ITSN1: variants seen among roughly 807,000 people sequenced by gnomAD.
ITSN1 encodes the protein intersectin-1.
A neutral mutation model predicts 239.8 loss-of-function variants in ITSN1; 58 were observed. That is an observed-to-expected ratio of 0.24 (90% confidence interval 0.20 to 0.30). The LOEUF is 0.30. ITSN1 is among the 10% of genes least tolerant of loss of function. ITSN1 has a pLI of 1.00. For synonymous variants in ITSN1, 780 were observed against 770.8 expected (o/e 1.01, Z -0.20); for missense variants, 1,558 against 2,103.3 (o/e 0.74, Z 5.07).
chr21:33,731,749 A>G (rs996574408), intron 4 of ITSN1, among the ~76,000 whole-genome samples: 3 of 152,238 alleles, frequency 2.0e-5, no homozygotes, highest in African/African-American at 7.2e-5. Flanking sequence ...CACCCGATGA[A>G]AAATACAGTA....
rs142986993 is a variant in ITSN1, at chr21:33,752,648, G to A, written c.623+742G>A. 3.2e-3 allele frequency among the ~76,000 whole-genome samples: 481 copies of A among 152,278 alleles called. 1 individual carries two copies. The highest frequency in any genetic ancestry group is 4.5e-3 in the Non-Finnish European group (306 of 68,020). On this transcript the variant is annotated intron_variant, in intron 7 of 39. Coordinates refer to ENST00000381318, the MANE Select transcript of ITSN1 (RefSeq NM_003024.3). ...CACCTGTAATCCCAGCACTCTGAGAGGCTGAGGCAGGAGGATCGCTTGAGC... is the reference window on the plus strand; with the variant it reads ...CACCTGTAATCCCAGCACTCTGAGAAGCTGAGGCAGGAGGATCGCTTGAGC...
At chr21:33,728,333 A>G (rs1486687419) in intron 4 of ITSN1, among the ~76,000 whole-genome samples, 1 of 151,872 alleles carries the variant, frequency 6.6e-6, no homozygotes, top group Non-Finnish European at 1.5e-5. Flanking sequence ...CACAGCTTCA[A>G]GTGATTCTCC....
intron 27 of ITSN1, 66 bp downstream of exon 27, chr21:33,829,811 A>T (rs569133884): frequency 1.3e-6 from 2 of 1,585,762 alleles, no homozygotes; most frequent in African/African-American, 1.3e-5. Context: ...TCTCAAAGGG[A>T]CGCTATTTTA....
At chr21:33,687,390 C>T (rs2091297728) in intron 1 of ITSN1, among the ~76,000 whole-genome samples, 2 of 91,028 alleles carry the variant, frequency 2.2e-5, no homozygotes, top group Admixed American at 3.6e-4. Flanking sequence ...AAGAGCAGAA[C>T]TCCATCTTAA....
chr21:33,796,021 T>A (rs1298474034), intron 17 of ITSN1, among the ~76,000 whole-genome samples: 3 of 151,654 alleles, frequency 2.0e-5, no homozygotes, highest in Non-Finnish European at 2.9e-5. Flanking sequence ...TGGAGTGCAG[T>A]GGCACGATCT....
chr21:33,648,785 G>A (rs2088215179), intron 1 of ITSN1, among the ~76,000 whole-genome samples: 1 of 152,038 alleles, frequency 6.6e-6, no homozygotes, highest in Non-Finnish European at 1.5e-5. Flanking sequence ...GGAGGCTGCA[G>A]ATGCCACAGC....
chr21:33,874,650 C>T (rs868333572), intron 33 of ITSN1, among the ~76,000 whole-genome samples: 11 of 138,836 alleles, frequency 7.9e-5, no homozygotes, highest in East Asian at 2.2e-4. Flanking sequence ...TTTTCTTTTT[C>T]TTTCTTTTTT....
chr21:33,801,518 A>C (rs112019890), intron 19 of ITSN1, among the ~76,000 whole-genome samples: 18 of 152,230 alleles, frequency 1.2e-4, no homozygotes, highest in African/African-American at 4.1e-4. Context: ...GCCAGAGTGC[A>C]GTGGCATGAT....
chr21:33,662,022 T>C (rs2089598390), intron 1 of ITSN1, among the ~76,000 whole-genome samples: 1 of 152,192 alleles, frequency 6.6e-6, no homozygotes, highest in African/African-American at 2.4e-5. Flanking sequence ...AGAGAATTGC[T>C]GCCTTGTAGG....
Position 33,759,996 on chromosome 21 carries a change from A to G in ITSN1, c.725-1927A>G, listed in dbSNP as rs142147599. Reference sequence around the variant, plus strand: ...CGCATGCCTGTAGTCCCAGCTATTCAGGAGGCTGAGGCAGAAGAATCATTG... The same window carrying G: ...CGCATGCCTGTAGTCCCAGCTATTCGGGAGGCTGAGGCAGAAGAATCATTG... On this transcript the variant is annotated intron_variant, in intron 8 of 39. Transcript: ENST00000381318. Among the ~76,000 whole-genome samples the G allele has an allele frequency of 3.6e-3, 554 of 152,128 alleles. 2 individuals are homozygous for G. The highest frequency in any genetic ancestry group is 0.013 in the African/African-American group (524 of 41,518).
chr21:33,750,430 A>G (rs931737640), intron 6 of ITSN1, 108 bp downstream of exon 6: 5 of 1,005,462 alleles, frequency 5.0e-6, no homozygotes, highest in African/African-American at 1.6e-5. Flanking sequence ...ATGATATTTT[A>G]GTCCAGAGGA....
At chr21:33,771,307 C>T (rs1035027503) in intron 11 of ITSN1, among the ~76,000 whole-genome samples, 2 of 152,112 alleles carry the variant, frequency 1.3e-5, no homozygotes, top group Non-Finnish European at 2.9e-5. Flanking sequence ...AGATGTGGAC[C>T]AGGGACTGGC....
rs1178076083 is a variant in ITSN1, at chr21:33,892,104, G to GT, written c.*3805dup. On this transcript the variant is annotated 3_prime_UTR_variant, in exon 40 of 40. Transcript: ENST00000381318. The stretch of plus-strand genomic sequence containing the variant: ...GTGCAATTAGCAGCAGGTCTGCTTG[G>GT]TCCAGATATGCTTGTTTACAAGTTT... 1 of 152,182 alleles carries GT rather than the reference G, an allele frequency of 6.6e-6. No individual in the cohort carries two copies. Among genetic ancestry groups the GT allele is most frequent in the Non-Finnish European group, 1.5e-5 (1 of 68,050 alleles). The allele number at this position is 152,182 out of a possible 1,614,324, so 9.4% of individuals were successfully genotyped here.
intron 1 of ITSN1, among the ~76,000 whole-genome samples, chr21:33,648,241 G>A (rs912845116): frequency 1.3e-5 from 2 of 152,112 alleles, no homozygotes; most frequent in African/African-American, 4.8e-5. Flanking sequence ...AGCTAATGTC[G>A]ATTAAGTTCT....
rs866118560 is a variant in ITSN1 at position 33,647,465 on chromosome 21, A to G, written c.-33+4752A>G. ...ATAACAATTTTAGTAACCAAATAAT[A>G]TTCCGTTTTATGGATCTATGGTAGT... is the stretch of plus-strand genomic sequence containing the variant. On this transcript the variant is annotated intron_variant, in intron 1 of 39. Transcript: ENST00000381318. 1.6e-4 allele frequency among the ~76,000 whole-genome samples: 25 copies of G among 151,792 alleles called. 1 individual carries two copies. Among genetic ancestry groups the G allele is most frequent in the Middle Eastern group, 3.2e-3 (1 of 316 alleles).
At chr21:33,694,859 G>C (rs1449650907) in intron 1 of ITSN1, among the ~76,000 whole-genome samples, 2 of 152,170 alleles carry the variant, frequency 1.3e-5, no homozygotes, top group African/African-American at 4.8e-5. Context: ...CTTTCACTCA[G>C]GCTGCAATGC....
At chr21:33,842,523 T>C (rs2074859649) in intron 29 of ITSN1, among the ~76,000 whole-genome samples, 1 of 148,496 alleles carries the variant, frequency 6.7e-6, no homozygotes, top group Admixed American at 6.7e-5. Context: ...TGTGTGTGTG[T>C]GTGTGTGACA....
At chr21:33,753,761 T>TAAAAAAAAAAAAAAAAA (rs760085854) in intron 7 of ITSN1, among the ~76,000 whole-genome samples, 2 of 81,764 alleles carry the variant, frequency 2.4e-5, no homozygotes, top group African/African-American at 1.1e-4. Context: ...GTCTCTTTCT[T>TAAAAAAAAAAAAAAAAA]AAAAAAAAAA....
At chr21:33,794,843 G>A (rs1569194119) in intron 17 of ITSN1, among the ~76,000 whole-genome samples, 1 of 152,158 alleles carries the variant, frequency 6.6e-6, no homozygotes, top group Non-Finnish European at 1.5e-5. Context: ...CCCCACACAG[G>A]GCTTCTCCAG....
Sources: gnomAD v4.1 joint callset for allele counts (sites outside exome capture counted in the v4.1 genomes callset) on GRCh38, gnomAD v4.1.1 for gene constraint, MANE v1.5 for transcripts, NCBI Gene and HGNC (gene_info 2026-07-23, HGNC 2026-07-21) for gene names.